The following CEP63 variants were observed in gnomAD, a reference collection of about 807,000 sequenced individuals.
The protein encoded by CEP63 is centrosomal protein 63, also known as centrosomal protein of 63 kDa.
CEP63 carries 84 observed loss-of-function variants against 89.1 expected under a neutral mutation model. The ratio of observed to expected loss-of-function variants is 0.94; its 90% CI spans 0.79 to 1.13. The LOEUF (loss-of-function observed/expected upper bound fraction) is 1.13, where lower values mean the gene tolerates loss of function less well. Ranked by LOEUF, CEP63 falls within the 50% of genes most tolerant of loss-of-function variation. The pLI is 0.00. For synonymous variants in CEP63, 267 were observed against 272.5 expected, an observed-to-expected ratio of 0.98 and a Z score of 0.20; for missense variants, 838 against 813.3, an observed-to-expected ratio of 1.03 and a Z score of -0.37.
downstream of CEP63, among the ~76,000 whole-genome samples, chr3:134,591,817 G>C (rs1560084515): frequency 6.6e-6 from 1 of 152,094 alleles, no homozygotes; most frequent in Non-Finnish European, 1.5e-5. Context: ...GGAGGCAGAG[G>C]TTGCAGTGAG....
chr3:134,537,658 C>T (rs9884031), intron 6 of CEP63, among the ~76,000 whole-genome samples: 100,182 of 151,992 alleles, frequency 0.66, 33,415 homozygotes, highest in East Asian at 0.81. Flanking sequence ...TTCTTCCCTA[C>T]CACAGTCCCA....
At chr3:134,709,114 C>T in the CEP63 span, among the ~76,000 whole-genome samples, 2 of 152,140 alleles carry the variant, frequency 1.3e-5, no homozygotes, top group Non-Finnish European at 2.9e-5. Flanking sequence ...CCTTGATAGA[C>T]CTTTGGCGTA....
rs112930075 is a variant in CEP63, at chr3:134,542,798, C to T, written c.556-2788C>T. Among the ~76,000 whole-genome samples the T allele has an allele frequency of 1.7e-3, 263 of 152,144 alleles. 1 individual carries two copies. The highest frequency in any genetic ancestry group is 5.8e-3 in the African/African-American group (241 of 41,520). On this transcript the variant is annotated intron_variant, in intron 6 of 14. Transcript: ENST00000675561. ...TTTCAGTCTCCCTGATGTAAACTGC[C>T]TTCTTGATTGCTTCTTTACTTTTAA...
chr3:134,546,648 C>T (rs997324853), intron 8 of CEP63, among the ~76,000 whole-genome samples: 2 of 152,192 alleles, frequency 1.3e-5, no homozygotes, highest in African/African-American at 2.4e-5. Flanking sequence ...TGAGCTGCCA[C>T]GCCCATCCAA....
At chr3:134,718,857 TA>T in the CEP63 span, among the ~76,000 whole-genome samples, 5 of 152,232 alleles carry the variant, frequency 3.3e-5, no homozygotes, top group Non-Finnish European at 7.3e-5. Context: ...GACACTCTAG[TA>T]ATTCAGTTTA....
chr3:134,577,463 G>A (rs1169289081), downstream of CEP63, among the ~76,000 whole-genome samples: 1 of 132,830 alleles, frequency 7.5e-6, no homozygotes, highest in African/African-American at 2.8e-5. Flanking sequence ...TTGAGATGGA[G>A]TCTGGCTGTG....
At position 134,562,953 on chromosome 3, in the gene CEP63, C is replaced by T. The variant is rs958715987; in HGVS notation, c.*1418C>T. On this transcript the variant is annotated 3_prime_UTR_variant, in exon 15 of 15. Transcript: ENST00000675561. ...TCCATTCTCAAGCTCTTAATACCAC[C>T]TATAGGCCAGTGACCCTTACATTTA... 1 of 152,314 alleles carries T rather than the reference C, an allele frequency of 6.6e-6. No individual in the cohort carries two copies. The highest frequency in any genetic ancestry group is 6.5e-5 in the Admixed American group (1 of 15,280). The allele number at this position is 152,314 out of a possible 1,614,324, so 9.4% of individuals were successfully genotyped here.
downstream of CEP63, chr3:134,565,070 T>G (rs1957692073): frequency 1.6e-6 from 1 of 632,956 alleles, no homozygotes; most frequent in African/African-American, 2.0e-5. Flanking sequence ...CCAAAATCTG[T>G]CCGTGATCAG....
chr3:134,556,010 A>G (rs1956084494), intron 12 of CEP63, among the ~76,000 whole-genome samples: 1 of 149,618 alleles, frequency 6.7e-6, no homozygotes, highest in Admixed American at 6.7e-5. Context: ...CCTGAGAAAA[A>G]CAAGCAATGG....
chr3:134,528,414 G>A (rs1355263958), intron 3 of CEP63, among the ~76,000 whole-genome samples: 1 of 152,130 alleles, frequency 6.6e-6, no homozygotes. Flanking sequence ...TTTAGGCTAA[G>A]TTTGAGAACT....
chr3:134,569,144 G>A (rs544879810), downstream of CEP63, among the ~76,000 whole-genome samples: 14 of 152,206 alleles, frequency 9.2e-5, no homozygotes, highest in Non-Finnish European at 2.1e-4. Context: ...TGGGAATTCA[G>A]GTGAAATTTG....
intron 3 of CEP63, among the ~76,000 whole-genome samples, chr3:134,522,198 TG>T: frequency 6.6e-6 from 1 of 152,308 alleles, no homozygotes; most frequent in Middle Eastern, 3.4e-3. Context: ...ATATGTAATT[TG>T]GGATTTATCT....
At chr3:134,506,811 G>A (rs959880759) in intron 2 of CEP63, among the ~76,000 whole-genome samples, 1 of 151,310 alleles carries the variant, frequency 6.6e-6, no homozygotes, top group African/African-American at 2.4e-5. Flanking sequence ...CCAGCTACTC[G>A]GGAGGCTGAG....
the CEP63 span, among the ~76,000 whole-genome samples, chr3:134,635,829 A>T: frequency 6.6e-6 from 1 of 152,256 alleles, no homozygotes; most frequent in Non-Finnish European, 1.5e-5. Context: ...AACGATATAA[A>T]GCAGAAAGTG....
At chr3:134,681,950 G>A in the CEP63 span, among the ~76,000 whole-genome samples, 1 of 152,156 alleles carries the variant, frequency 6.6e-6, no homozygotes, top group Non-Finnish European at 1.5e-5. Context: ...AGCCCCGCTG[G>A]CCCCCTTGGC....
chr3:134,780,842 A>G, the CEP63 span, among the ~76,000 whole-genome samples: 1 of 152,138 alleles, frequency 6.6e-6, no homozygotes, highest in African/African-American at 2.4e-5. Flanking sequence ...CCTGTTTATG[A>G]CATTCTCCTC....
chr3:134,736,092 C>T, the CEP63 span, among the ~76,000 whole-genome samples: 2 of 152,198 alleles, frequency 1.3e-5, no homozygotes, highest in African/African-American at 4.8e-5. Context: ...CCCAGGGATG[C>T]ATGACTGGCA....
At chr3:134,542,704 C>G (rs1486833360) in intron 6 of CEP63, among the ~76,000 whole-genome samples, 2 of 152,152 alleles carry the variant, frequency 1.3e-5, no homozygotes, top group Non-Finnish European at 2.9e-5. Flanking sequence ...TTGAATTCAA[C>G]CCCCACTCCC....
At chr3:134,583,347 A>G (rs368840914) in intron 10 of CEP63, among the ~76,000 whole-genome samples, 2 of 152,078 alleles carry the variant, frequency 1.3e-5, no homozygotes, top group Admixed American at 6.5e-5. Context: ...ATCTTGAATT[A>G]ATTTTTGTCT....
Sources: allele counts gnomAD v4.1 joint callset (sites outside exome capture counted in the v4.1 genomes callset), GRCh38; gene constraint gnomAD v4.1.1; transcripts MANE v1.5; gene names NCBI Gene and HGNC (gene_info 2026-07-23, HGNC 2026-07-21).